Variants in RHEB observed in about 807,000 individuals in gnomAD.
The protein encoded by RHEB is Ras homolog, mTORC1 binding.
A neutral mutation model predicts 28.8 loss-of-function variants in RHEB; 2 were observed. The ratio of observed to expected loss-of-function variants is 0.07; its 90% CI spans 0.03 to 0.22. RHEB has a LOEUF of 0.22. Among genes scored for constraint, RHEB ranks in the 10% least tolerant of loss-of-function variants. The pLI is 1.00. For missense variants in RHEB, 76 were observed against 219.9 expected (o/e 0.35, Z 4.14); for synonymous variants, 69 against 77.3 (o/e 0.89, Z 0.56).
intron 1 of RHEB, among the ~76,000 whole-genome samples, chr7:151,501,648 T>A (rs1802773140): frequency 6.6e-6 from 1 of 152,242 alleles, no homozygotes; most frequent in Admixed American, 6.5e-5. Context: ...TGTATTTGCA[T>A]GTTTATACTG....
At chr7:151,471,644 T>C in intron 4 of RHEB, 39 bp from the exon 5 acceptor site, 1 of 1,363,514 alleles carries the variant, frequency 7.3e-7, no homozygotes, top group Non-Finnish European at 1.0e-6. Flanking sequence ...TCCATTTTAA[T>C]GTTGAAGTTT....
At chr7:151,490,431 T>C (rs1802560461) in intron 2 of RHEB, among the ~76,000 whole-genome samples, 1 of 152,236 alleles carries the variant, frequency 6.6e-6, no homozygotes, top group African/African-American at 2.4e-5. Context: ...AACAGGCTTT[T>C]TGAGCCAACT....
At chr7:151,514,695 T>A (rs1803045244) in intron 1 of RHEB, among the ~76,000 whole-genome samples, 1 of 152,122 alleles carries the variant, frequency 6.6e-6, no homozygotes. Context: ...TGAAAACATG[T>A]CTACATAAAA....
At chr7:151,492,622 A>T (rs892200248) in intron 1 of RHEB, among the ~76,000 whole-genome samples, 1 of 151,692 alleles carries the variant, frequency 6.6e-6, no homozygotes, top group Admixed American at 6.6e-5. Context: ...GTCTTATAAA[A>T]AAAAAAAAAG....
intron 1 of RHEB, among the ~76,000 whole-genome samples, chr7:151,510,471 C>A (rs1463680728): frequency 6.6e-6 from 1 of 152,170 alleles, no homozygotes; most frequent in Admixed American, 6.5e-5. Context: ...GCTATTAATA[C>A]ATGTGCATTA....
chr7:151,495,909 G>A (rs1802664316), intron 1 of RHEB, among the ~76,000 whole-genome samples: 1 of 152,234 alleles, frequency 6.6e-6, no homozygotes, highest in African/African-American at 2.4e-5. Flanking sequence ...CGTTGAGCGT[G>A]CCACTGCACT....
chr7:151,496,564 G>A (rs1802676566), intron 1 of RHEB, among the ~76,000 whole-genome samples: 1 of 151,992 alleles, frequency 6.6e-6, no homozygotes, highest in South Asian at 2.1e-4. Context: ...TTATTACTGG[G>A]TCACAATGTA....
chr7:151,482,655 T>C (rs1802399074), intron 3 of RHEB, among the ~76,000 whole-genome samples: 1 of 152,220 alleles, frequency 6.6e-6, no homozygotes, highest in African/African-American at 2.4e-5. Context: ...CTTGATAGTG[T>C]CAGAGTCCCA....
chr7:151,517,985 G>C (rs1197440650), intron 1 of RHEB: 2 of 152,018 alleles, frequency 1.3e-5, no homozygotes, highest in African/African-American at 2.4e-5. Flanking sequence ...ACAGAGACAA[G>C]AGCATGGATT....
intron 1 of RHEB, among the ~76,000 whole-genome samples, chr7:151,503,906 G>A (rs1047881990): frequency 2.0e-5 from 3 of 151,934 alleles, no homozygotes; most frequent in Admixed American, 6.6e-5. Flanking sequence ...GCTGCATTTC[G>A]CAGTGATCCA....
At chr7:151,467,679 A>G (rs1159297651) in intron 7 of RHEB, among the ~76,000 whole-genome samples, 1 of 152,114 alleles carries the variant, frequency 6.6e-6, no homozygotes, top group Non-Finnish European at 1.5e-5. Flanking sequence ...CTGAGATGCC[A>G]CGATGCCAGC....
chr7:151,492,763 C>A (rs1023752977), intron 1 of RHEB, among the ~76,000 whole-genome samples: 23 of 152,010 alleles, frequency 1.5e-4, no homozygotes, highest in African/African-American at 5.6e-4. Flanking sequence ...TACAAAGCAA[C>A]CTACATGAGC....
chr7:151,487,345 G>T (rs1357780437), intron 2 of RHEB, among the ~76,000 whole-genome samples: 1 of 152,142 alleles, frequency 6.6e-6, no homozygotes, highest in Non-Finnish European at 1.5e-5. Flanking sequence ...GAGCTGGGGG[G>T]AGAGGTTGCG....
At chr7:151,481,006 AT>A (rs879322834) in intron 3 of RHEB, among the ~76,000 whole-genome samples, 4 of 150,534 alleles carry the variant, frequency 2.7e-5, no homozygotes, top group African/African-American at 7.3e-5. Context: ...AGGTTGCAAA[AT>A]TTTTTTTTTC....
chr7:151,514,981 G>A (rs1238586700), intron 1 of RHEB, among the ~76,000 whole-genome samples: 2 of 151,956 alleles, frequency 1.3e-5, no homozygotes, highest in Non-Finnish European at 2.9e-5. Context: ...TGACACTGCA[G>A]TGAGCCATGA....
rs1305023440 is a variant in RHEB, at chr7:151,472,218, C to A, written c.276-613G>T. On this transcript the variant is annotated intron_variant, in intron 4 of 7. Transcript: ENST00000262187. The surrounding 1 kb of genome is among the most constrained non-coding windows in gnomAD (Gnocchi z 5.2). Reference sequence around the variant, plus strand: ...AAACCCATGCAAACATCTGCCAGCACATCACTGGCTCTACTTTCAAATCCT... The same window carrying A: ...AAACCCATGCAAACATCTGCCAGCAAATCACTGGCTCTACTTTCAAATCCT... 6.6e-6 allele frequency among the ~76,000 whole-genome samples: 1 copy of A among 152,206 alleles called. No individual in the cohort carries two copies. The highest frequency in any genetic ancestry group is 1.5e-5 in the Non-Finnish European group (1 of 68,024).
At position 151,470,251 on chromosome 7, in the gene RHEB, T is replaced by C. The variant is rs570103355; in HGVS notation, c.462+320A>G. On this transcript the variant is annotated intron_variant, in intron 7 of 7. Transcript: ENST00000262187. ...CTAAAGTGATATAATTCTTTTTTTT[T>C]CCCCTGTATGGACTTATTTCTGTAC... The C allele has an allele frequency of 2.0e-3, 349 of 171,196 alleles. 1 individual carries two copies. The highest frequency in any genetic ancestry group is 2.7e-3 in the Non-Finnish European group (217 of 80,810). The allele number at this position is 171,196 out of a possible 1,614,324, so 10.6% of individuals were successfully genotyped here.
intron 1 of RHEB, among the ~76,000 whole-genome samples, chr7:151,497,020 T>C (rs2284264): frequency 0.51 from 76,889 of 149,868 alleles, 19,821 homozygotes; most frequent in South Asian, 0.6. Context: ...CGATCCCTGG[T>C]CTTGTGATCT....
rs373004378 is a variant in RHEB at position 151,471,628 on chromosome 7, T to A, written c.276-23A>T. ...AAACTATAAAACAAAAAGTATAAATTAGACATCCATTTTAATGTTGAAGTT... is the reference window on the plus strand; with the variant it reads ...AAACTATAAAACAAAAAGTATAAATAAGACATCCATTTTAATGTTGAAGTT... On this transcript the variant is annotated intron_variant, in intron 4 of 7. Coordinates refer to ENST00000262187, the MANE Select transcript of RHEB (RefSeq NM_005614.4). 83 of 1,463,984 alleles carry A rather than the reference T, an allele frequency of 5.7e-5. No homozygotes were observed. In the African/African-American group the frequency reaches 1.1e-3, roughly 19 times the overall value. 90.7% of individuals were successfully genotyped at this position (1,463,984 alleles called of 1,614,324 possible). A position where few individuals can be genotyped will look rare whatever the true frequency, so the allele number is the denominator to read the frequency against.
Sources: gnomAD v4.1 joint callset for allele counts (sites outside exome capture counted in the v4.1 genomes callset) on GRCh38, gnomAD v4.1.1 for gene constraint, Gnocchi (gnomAD v3.1) non-coding constraint, MANE v1.5 for transcripts, NCBI Gene and HGNC (gene_info 2026-07-23, HGNC 2026-07-21) for gene names.